FHIT: variants seen among roughly 807,000 people sequenced by gnomAD.
FHIT encodes bis(5'-adenosyl)-triphosphatase.
A neutral mutation model predicts 17.9 loss-of-function variants in FHIT; 19 were observed. The observed-to-expected ratio is 1.06, with a 90% confidence interval of 0.74 to 1.56. The LOEUF (loss-of-function observed/expected upper bound fraction) is 1.56, where lower values mean the gene tolerates loss of function less well. FHIT is among the 40% of genes most tolerant of loss of function. The pLI is 0.00. For synonymous variants in FHIT, 81 were observed against 69.7 expected, an observed-to-expected ratio of 1.16 and a Z score of -0.81; for missense variants, 248 against 189.2, an observed-to-expected ratio of 1.31 and a Z score of -1.82.
At chr3:59,843,568 T>C (rs1036719076) in intron 8 of FHIT, among the ~76,000 whole-genome samples, 2 of 152,206 alleles carry the variant, frequency 1.3e-5, no homozygotes, top group African/African-American at 4.8e-5. Context: ...TTTCATTGAT[T>C]GATACCTTCT....
chr3:61,120,991 A>C (rs2036441035), intron 2 of FHIT, among the ~76,000 whole-genome samples: 1 of 151,786 alleles, frequency 6.6e-6, no homozygotes, highest in Non-Finnish European at 1.5e-5. Context: ...AAGAAAGGGT[A>C]TCAGAGATTG....
chr3:60,054,756 T>TTGG (rs1417197234), intron 5 of FHIT, among the ~76,000 whole-genome samples: 1 of 152,134 alleles, frequency 6.6e-6, no homozygotes, highest in Non-Finnish European at 1.5e-5. Flanking sequence ...CTTTGTTGTG[T>TTGG]TGGTGGTGGT....
At position 60,984,661 on chromosome 3, in the gene FHIT, G is replaced by C. The variant is rs542875321; in HGVS notation, c.-111+57386C>G. Among the ~76,000 whole-genome samples, 4 of 152,242 alleles carry C rather than the reference G, an allele frequency of 2.6e-5. No homozygotes were observed. The East Asian group carries it at 7.7e-4, about 29-fold the overall frequency. On this transcript the variant is annotated intron_variant, in intron 3 of 9. Transcript: ENST00000492590. ...GTAGTAAGTTCCAAACTAAAGGATA[G>C]AACCCAATAGTGGGTCTTGACATCA... is the stretch of plus-strand genomic sequence containing the variant.
At chr3:60,735,736 G>A (rs1179686663) in intron 4 of FHIT, among the ~76,000 whole-genome samples, 2 of 152,112 alleles carry the variant, frequency 1.3e-5, no homozygotes, top group African/African-American at 2.4e-5. Flanking sequence ...TTATAGATAG[G>A]CAAGCCAAAA....
chr3:59,906,478 GTA>G (rs1559718184), intron 8 of FHIT, among the ~76,000 whole-genome samples: 7 of 152,214 alleles, frequency 4.6e-5, no homozygotes, highest in African/African-American at 1.7e-4. Context: ...ACCACAGCAT[GTA>G]GACCCCTAAA....
chr3:59,819,294 A>G (rs1356226123), intron 8 of FHIT, among the ~76,000 whole-genome samples: 2 of 152,172 alleles, frequency 1.3e-5, no homozygotes, highest in East Asian at 1.9e-4. Context: ...CCTAAATTAC[A>G]TACCAATTTC....
intron 4 of FHIT, among the ~76,000 whole-genome samples, chr3:60,746,443 G>A (rs1266134267): frequency 1.3e-5 from 2 of 152,170 alleles, no homozygotes; most frequent in South Asian, 2.1e-4. Context: ...CTTCAGGAGC[G>A]ACAGCAGCGG....
chr3:60,149,896 T>A (rs1345863912), intron 5 of FHIT, among the ~76,000 whole-genome samples: 1 of 150,990 alleles, frequency 6.6e-6, no homozygotes, highest in Non-Finnish European at 1.5e-5. Flanking sequence ...AGAGTTGTAA[T>A]GTCTACAGCA....
At chr3:60,052,837 T>C (rs986862222) in intron 5 of FHIT, among the ~76,000 whole-genome samples, 2 of 149,904 alleles carry the variant, frequency 1.3e-5, no homozygotes, top group Non-Finnish European at 3.0e-5. Context: ...AATTTTTTCT[T>C]AGTATAAGTA....
intron 5 of FHIT, among the ~76,000 whole-genome samples, chr3:60,106,525 T>C (rs1421076089): frequency 6.6e-6 from 1 of 152,240 alleles, no homozygotes; most frequent in African/African-American, 2.4e-5. Flanking sequence ...TCGTTCCTAC[T>C]GATGGCAATT....
intron 5 of FHIT, among the ~76,000 whole-genome samples, chr3:60,218,637 G>T (rs1703809386): frequency 6.6e-6 from 1 of 152,018 alleles, no homozygotes; most frequent in Non-Finnish European, 1.5e-5. Flanking sequence ...TAACAATTTT[G>T]CAATGACAAG....
At chr3:59,800,669 T>C (rs777755628) in intron 8 of FHIT, among the ~76,000 whole-genome samples, 2 of 152,226 alleles carry the variant, frequency 1.3e-5, no homozygotes, top group Non-Finnish European at 2.9e-5. Flanking sequence ...CTTGGGCCAC[T>C]GGTGAAGACA....
At chr3:60,742,927 T>G (rs1553714264) in intron 4 of FHIT, among the ~76,000 whole-genome samples, 1 of 152,164 alleles carries the variant, frequency 6.6e-6, no homozygotes, top group African/African-American at 2.4e-5. Flanking sequence ...AGAAGGAAAA[T>G]AATACCTACT....
chr3:60,354,549 C>T (rs1219081629), intron 5 of FHIT, among the ~76,000 whole-genome samples: 1 of 152,110 alleles, frequency 6.6e-6, no homozygotes, highest in Non-Finnish European at 1.5e-5. Flanking sequence ...AGTCACCTTT[C>T]CCAAATTTAA....
At chr3:60,465,742 G>T (rs2107429042) in intron 5 of FHIT, among the ~76,000 whole-genome samples, 1 of 151,990 alleles carries the variant, frequency 6.6e-6, no homozygotes, top group East Asian at 1.9e-4. Flanking sequence ...GTGTTCCATT[G>T]GTCTATGTGT....
intron 5 of FHIT, among the ~76,000 whole-genome samples, chr3:60,088,804 G>C (rs1703608826): frequency 6.6e-6 from 1 of 152,130 alleles, no homozygotes; most frequent in African/African-American, 2.4e-5. Flanking sequence ...TAAGAAACTT[G>C]GCAGGTAATT....
intron 5 of FHIT, among the ~76,000 whole-genome samples, chr3:60,227,212 C>T (rs1287400631): frequency 2.6e-5 from 4 of 152,176 alleles, no homozygotes; most frequent in Admixed American, 2.6e-4. Context: ...ACCAGTTTCA[C>T]AGAACTGCAT....
chr3:60,911,086 C>T (rs1332592419), intron 3 of FHIT, among the ~76,000 whole-genome samples: 1 of 152,108 alleles, frequency 6.6e-6, no homozygotes, highest in East Asian at 1.9e-4. Flanking sequence ...CATAAGCTAT[C>T]ATTTTGTTTT....
chr3:61,054,670 C>T (rs1272917126), intron 2 of FHIT, among the ~76,000 whole-genome samples: 2 of 152,174 alleles, frequency 1.3e-5, no homozygotes, highest in African/African-American at 4.8e-5. Context: ...CTTCCCTGCA[C>T]AGTTCCCAAG....
Sources: gnomAD v4.1 joint callset for allele counts (sites outside exome capture counted in the v4.1 genomes callset) on GRCh38, gnomAD v4.1.1 for gene constraint, MANE v1.5 for transcripts, NCBI Gene and HGNC (gene_info 2026-07-23, HGNC 2026-07-21) for gene names.